DISC1: variants seen among roughly 807,000 people sequenced by gnomAD.
The protein encoded by DISC1 is disrupted in schizophrenia 1 protein.
A neutral mutation model predicts 84.5 loss-of-function variants in DISC1; 57 were observed. The ratio of observed to expected loss-of-function variants is 0.67; its 90% CI spans 0.55 to 0.84. The LOEUF is 0.84. DISC1 is among the 40% of genes least tolerant of loss of function. The pLI is 0.00. For missense variants in DISC1, 1,000 were observed against 1,057.8 expected (o/e 0.95, Z 0.76); for synonymous variants, 411 against 415.2 (o/e 0.99, Z 0.12).
At chr1:231,866,044 G>A (rs1466577152) in intron 9 of DISC1, among the ~76,000 whole-genome samples, 1 of 152,106 alleles carries the variant, frequency 6.6e-6, no homozygotes, top group African/African-American at 2.4e-5. Flanking sequence ...TGGCAAAAAA[G>A]GACAGGGATT....
intron 3 of DISC1, among the ~76,000 whole-genome samples, chr1:231,748,849 G>A (rs2074293856): frequency 6.6e-6 from 1 of 152,186 alleles, no homozygotes; most frequent in South Asian, 2.1e-4. Context: ...TGTGGGATAG[G>A]GGTAGGGAGT....
chr1:232,030,967 A>G (rs549095119), intron 12 of DISC1, among the ~76,000 whole-genome samples: 1 of 151,966 alleles, frequency 6.6e-6, no homozygotes, highest in South Asian at 2.1e-4. Context: ...ACAAAAATTA[A>G]CTGGGCGTGA....
intron 9 of DISC1, among the ~76,000 whole-genome samples, chr1:231,846,321 C>T (rs558037096): frequency 4.6e-5 from 7 of 152,304 alleles, no homozygotes; most frequent in East Asian, 1.9e-4. Context: ...GCCCACAGGA[C>T]GGGACAACTG....
intron 4 of DISC1, among the ~76,000 whole-genome samples, chr1:231,759,893 G>C (rs991936467): frequency 6.6e-6 from 1 of 152,162 alleles, no homozygotes; most frequent in Non-Finnish European, 1.5e-5. Flanking sequence ...AAACTAAGTT[G>C]TGAGCCACAG....
intron 9 of DISC1, among the ~76,000 whole-genome samples, chr1:231,943,322 G>A (rs2091452380): frequency 6.6e-6 from 1 of 152,260 alleles, no homozygotes; most frequent in Admixed American, 6.5e-5. Context: ...TTGGTGAGGA[G>A]GTAGAGAGAG....
At chr1:231,696,544 G>T (rs1478258788) in intron 2 of DISC1, among the ~76,000 whole-genome samples, 1 of 152,178 alleles carries the variant, frequency 6.6e-6, no homozygotes, top group African/African-American at 2.4e-5. Context: ...CCACAGCTGG[G>T]CAGGGAAAAA....
chr1:231,912,473 C>T (rs918874816), intron 9 of DISC1, among the ~76,000 whole-genome samples: 31 of 152,214 alleles, frequency 2.0e-4, no homozygotes, highest in Admixed American at 9.2e-4. Flanking sequence ...CTGGGTATCA[C>T]CAGCAGAGGC....
At chr1:232,019,979 G>A (rs1021782403) in intron 11 of DISC1, among the ~76,000 whole-genome samples, 4 of 152,120 alleles carry the variant, frequency 2.6e-5, no homozygotes, top group African/African-American at 4.8e-5. Flanking sequence ...GAAGGGAAGA[G>A]AACACCATGT....
chr1:231,715,469 A>G lies in DISC1; in HGVS notation c.1117+13445A>G, dbSNP rs539345324. Among the ~76,000 whole-genome samples the G allele has an allele frequency of 7.9e-5, 12 of 152,310 alleles. No individual in the cohort carries two copies. The South Asian group carries it at 2.1e-3, about 26-fold the overall frequency. On this transcript the variant is annotated intron_variant, in intron 3 of 12. Transcript: ENST00000439617. ...AGGTGCCTCTTGCAACAGATTTTCCAGAGACTTTTGTCTGATCTTTACTGG... is the reference window on the plus strand; with the variant it reads ...AGGTGCCTCTTGCAACAGATTTTCCGGAGACTTTTGTCTGATCTTTACTGG...
chr1:232,000,580 CAG>C (rs1666563032), intron 10 of DISC1, among the ~76,000 whole-genome samples: 1 of 152,142 alleles, frequency 6.6e-6, no homozygotes, highest in African/African-American at 2.4e-5. Context: ...CATAATCCTA[CAG>C]ATTCAAGAAG....
intron 1 of DISC1, among the ~76,000 whole-genome samples, chr1:231,678,995 T>C (rs1307407117): frequency 2.6e-5 from 4 of 152,236 alleles, no homozygotes; most frequent in African/African-American, 7.2e-5. Context: ...TGTCTCTTAA[T>C]AGTCTTGTCA....
intron 3 of DISC1, among the ~76,000 whole-genome samples, chr1:231,747,513 T>C (rs1006663941): frequency 6.6e-6 from 1 of 152,198 alleles, no homozygotes; most frequent in African/African-American, 2.4e-5. Context: ...TGAAGAGACC[T>C]TCTTTTCCCC....
intron 11 of DISC1, among the ~76,000 whole-genome samples, chr1:232,024,039 A>G (rs1669209353): frequency 7.1e-6 from 1 of 140,408 alleles, no homozygotes; most frequent in African/African-American, 2.5e-5. Context: ...ACACACACAT[A>G]TATATGTATA....
intron 1 of DISC1, among the ~76,000 whole-genome samples, chr1:231,642,049 G>A (rs888483888): frequency 1.3e-5 from 2 of 152,218 alleles, no homozygotes; most frequent in Non-Finnish European, 2.9e-5. Context: ...CACGAAGGGC[G>A]GGGAGGCTCA....
At chr1:231,879,924 C>T (rs2086172948) in intron 9 of DISC1, among the ~76,000 whole-genome samples, 1 of 152,066 alleles carries the variant, frequency 6.6e-6, no homozygotes, top group African/African-American at 2.4e-5. Context: ...GAGTGAAGTC[C>T]CAATGGACAT....
intron 9 of DISC1, among the ~76,000 whole-genome samples, chr1:231,865,617 C>T (rs2084999311): frequency 6.6e-6 from 1 of 152,212 alleles, no homozygotes. Flanking sequence ...ATTCTCCCTT[C>T]CCCCAGCCTC....
At chr1:231,913,845 A>T (rs1039813352) in intron 9 of DISC1, among the ~76,000 whole-genome samples, 13 of 152,098 alleles carry the variant, frequency 8.5e-5, no homozygotes, top group African/African-American at 2.4e-5. Flanking sequence ...CAGCAACATT[A>T]TTGTCCACAT....
At chr1:231,719,855 T>C (rs1444099414) in intron 3 of DISC1, among the ~76,000 whole-genome samples, 2 of 152,176 alleles carry the variant, frequency 1.3e-5, no homozygotes, top group Non-Finnish European at 2.9e-5. Flanking sequence ...AAGGACTTTT[T>C]CATATGTCAC....
chr1:231,811,717 C>T (rs973762187), intron 8 of DISC1, among the ~76,000 whole-genome samples: 2 of 152,170 alleles, frequency 1.3e-5, no homozygotes, highest in African/African-American at 4.8e-5. Context: ...TCCCCCTCAC[C>T]ATGTGCTTTC....
Sources: allele counts gnomAD v4.1 joint callset (sites outside exome capture counted in the v4.1 genomes callset), GRCh38; gene constraint gnomAD v4.1.1; transcripts MANE v1.5; gene names NCBI Gene and HGNC (gene_info 2026-07-23, HGNC 2026-07-21).